Variants in RSRC1 observed in about 807,000 individuals in gnomAD.
RSRC1 encodes arginine and serine rich coiled-coil 1.
Under a neutral mutation model 49.1 loss-of-function variants are expected in RSRC1, and 39 were observed. The observed-to-expected ratio is 0.79, with a 90% confidence interval of 0.61 to 1.04. The LOEUF is 1.04. RSRC1 is among the 50% of genes least tolerant of loss of function. The pLI is 0.00. For missense variants in RSRC1, 388 were observed against 402.4 expected, an observed-to-expected ratio of 0.96 and a Z score of 0.31; for synonymous variants, 143 against 130.8, an observed-to-expected ratio of 1.09 and a Z score of -0.63.
At chr3:158,231,049 A>C (rs887026258) in intron 4 of RSRC1, among the ~76,000 whole-genome samples, 1 of 151,260 alleles carries the variant, frequency 6.6e-6, no homozygotes, top group Non-Finnish European at 1.5e-5. Flanking sequence ...CGTGTTTAGC[A>C]CACTATAGAA....
At chr3:158,127,962 A>G (rs1264663546) in intron 3 of RSRC1, among the ~76,000 whole-genome samples, 1 of 152,142 alleles carries the variant, frequency 6.6e-6, no homozygotes, top group East Asian at 1.9e-4. Context: ...GAATATTTGA[A>G]GCATGTACTT....
chr3:158,398,493 C>G (rs778266559), intron 6 of RSRC1, among the ~76,000 whole-genome samples: 1 of 152,018 alleles, frequency 6.6e-6, no homozygotes, highest in Non-Finnish European at 1.5e-5. Flanking sequence ...TTATGAGGCA[C>G]GAATCTGATC....
intron 3 of RSRC1, among the ~76,000 whole-genome samples, chr3:158,196,537 G>A (rs1183095143): frequency 6.6e-6 from 1 of 152,106 alleles, no homozygotes. Context: ...CTAACACTAT[G>A]TTGAATAGGA....
chr3:158,147,019 GTGC>G (rs1421718175), intron 3 of RSRC1, among the ~76,000 whole-genome samples: 2 of 149,886 alleles, frequency 1.3e-5, no homozygotes, highest in Non-Finnish European at 3.0e-5. Flanking sequence ...ATGGCTGCTT[GTGC>G]TGCTGCTGTT....
At chr3:158,440,938 A>G (rs1736350396) in intron 6 of RSRC1, among the ~76,000 whole-genome samples, 1 of 152,094 alleles carries the variant, frequency 6.6e-6, no homozygotes, top group African/African-American at 2.4e-5. Context: ...GCAAAACTCC[A>G]TCTCATAAGA....
At chr3:158,327,621 T>G (rs1467661406) in intron 5 of RSRC1, among the ~76,000 whole-genome samples, 7 of 152,122 alleles carry the variant, frequency 4.6e-5, no homozygotes, top group African/African-American at 1.7e-4. Flanking sequence ...TTCTGTTCTT[T>G]TACATTTGCT....
At chr3:158,125,646 C>T (rs901916535) in intron 3 of RSRC1, among the ~76,000 whole-genome samples, 3 of 152,166 alleles carry the variant, frequency 2.0e-5, no homozygotes, top group African/African-American at 7.2e-5. Context: ...AACATGAAAT[C>T]TGTCGTGGAG....
intron 6 of RSRC1, among the ~76,000 whole-genome samples, chr3:158,457,844 G>C (rs192446992): frequency 2.0e-5 from 3 of 151,938 alleles, no homozygotes; most frequent in Admixed American, 2.0e-4. Context: ...TGCTATGGGG[G>C]CAAAAGCTGG....
At chr3:158,132,649 G>T (rs1230891181) in intron 3 of RSRC1, among the ~76,000 whole-genome samples, 2 of 152,156 alleles carry the variant, frequency 1.3e-5, no homozygotes, top group African/African-American at 2.4e-5. Flanking sequence ...TAACATCTAA[G>T]TAGTAAATGT....
intron 3 of RSRC1, among the ~76,000 whole-genome samples, chr3:158,158,541 T>G (rs1364298178): frequency 6.6e-6 from 1 of 152,220 alleles, no homozygotes; most frequent in African/African-American, 2.4e-5. Flanking sequence ...CACATGAAAT[T>G]GTCTTTTCCC....
chr3:158,237,680 C>T (rs1231679783), intron 4 of RSRC1, among the ~76,000 whole-genome samples: 2 of 152,088 alleles, frequency 1.3e-5, no homozygotes, highest in Non-Finnish European at 2.9e-5. Context: ...AAATGGTTCA[C>T]CATATCAGCT....
intron 5 of RSRC1, among the ~76,000 whole-genome samples, chr3:158,328,511 A>G (rs527878601): frequency 8.5e-5 from 13 of 152,276 alleles, no homozygotes; most frequent in African/African-American, 2.9e-4. Context: ...TTGGCTGGAT[A>G]TGAAATCCTG....
At chr3:158,258,425 G>T (rs1266774522) in intron 4 of RSRC1, among the ~76,000 whole-genome samples, 2 of 150,902 alleles carry the variant, frequency 1.3e-5, no homozygotes, top group African/African-American at 4.9e-5. Context: ...CAGATGTATT[G>T]GAGCTCCTTT....
chr3:158,246,852 T>C (rs1181696609), intron 4 of RSRC1, among the ~76,000 whole-genome samples: 1 of 152,144 alleles, frequency 6.6e-6, no homozygotes, highest in East Asian at 1.9e-4. Flanking sequence ...CTGATAATTA[T>C]GTCTTGGGGA....
chr3:158,361,577 A>G (rs1281739431), intron 6 of RSRC1, among the ~76,000 whole-genome samples: 1 of 152,210 alleles, frequency 6.6e-6, no homozygotes, highest in Non-Finnish European at 1.5e-5. Flanking sequence ...TGGGTATCAT[A>G]TGTTAATGCC....
chr3:158,536,698 G>C (rs930276461), intron 7 of RSRC1, among the ~76,000 whole-genome samples: 2 of 151,436 alleles, frequency 1.3e-5, no homozygotes, highest in Admixed American at 6.6e-5. Flanking sequence ...CAAAAAAATT[G>C]AGGTGGATTT....
At chr3:158,212,777 A>G (rs1199495650) in intron 4 of RSRC1, among the ~76,000 whole-genome samples, 1 of 151,994 alleles carries the variant, frequency 6.6e-6, no homozygotes, top group Non-Finnish European at 1.5e-5. Flanking sequence ...TTTCTTCCTA[A>G]GTAAACAAGT....
At chr3:158,177,955 A>C (rs962615344) in intron 3 of RSRC1, among the ~76,000 whole-genome samples, 2 of 152,032 alleles carry the variant, frequency 1.3e-5, no homozygotes, top group African/African-American at 4.8e-5. Flanking sequence ...ATTGACACAA[A>C]ATTTTCTATT....
chr3:158,452,294 T>C (rs1032534116), intron 6 of RSRC1, among the ~76,000 whole-genome samples: 12 of 152,186 alleles, frequency 7.9e-5, no homozygotes, highest in South Asian at 6.2e-4. Context: ...TAATGACTTA[T>C]GTAGATAAAA....
Sources: allele counts gnomAD v4.1 joint callset (sites outside exome capture counted in the v4.1 genomes callset), GRCh38; gene constraint gnomAD v4.1.1; transcripts MANE v1.5; gene names NCBI Gene and HGNC (gene_info 2026-07-23, HGNC 2026-07-21).